PLXNA4: variants seen among roughly 807,000 people sequenced by gnomAD.
PLXNA4 encodes plexin A4.
Under a neutral mutation model 191.8 loss-of-function variants are expected in PLXNA4, and 44 were observed. The ratio of observed to expected loss-of-function variants is 0.23; its 90% CI spans 0.18 to 0.29. PLXNA4 has a LOEUF of 0.29. Among genes scored for constraint, PLXNA4 ranks in the 10% least tolerant of loss-of-function variants. The probability of loss-of-function intolerance (pLI) is 1.00; values close to 1 mark genes in which losing one functional copy is unlikely to be tolerated. For synonymous variants in PLXNA4, 1,082 were observed against 1,009.5 expected, an observed-to-expected ratio of 1.07 and a Z score of -1.36; for missense variants, 1,800 against 2,488.8, an observed-to-expected ratio of 0.72 and a Z score of 5.89.
chr7:132,508,924 C>T lies in PLXNA4; in HGVS notation c.-86-145G>A, dbSNP rs1798598942. On this transcript the variant is annotated intron_variant, in intron 1 of 31. Transcript: ENST00000321063. This position sits in a 1 kb window ranked among gnomAD's most constrained non-coding sequence, Gnocchi z 4.4. ...GTGCTGGAGGCTGACTGAGTCAACC[C>T]CCACCACGGGCATGTGACACAGTCA... 1.3e-6 allele frequency: 1 copy of T among 786,048 alleles called. No individual in the cohort carries two copies. The highest frequency in any genetic ancestry group is 1.8e-6 in the Non-Finnish European group (1 of 543,036). 48.7% of individuals were successfully genotyped at this position (786,048 alleles called of 1,614,324 possible). A position where few individuals can be genotyped will look rare whatever the true frequency, so the allele number is the denominator to read the frequency against.
At chr7:132,489,533 T>G (rs1797697904) in intron 2 of PLXNA4, 59 bp from the exon 3 acceptor site, 1 of 1,385,698 alleles carries the variant, frequency 7.2e-7, no homozygotes, top group African/African-American at 1.4e-5. Context: ...GGCAGAGATA[T>G]TAAGTCAGGA....
chr7:132,318,041 C>A (rs148539480), intron 3 of PLXNA4, among the ~76,000 whole-genome samples: 1 of 152,204 alleles, frequency 6.6e-6, no homozygotes, highest in Non-Finnish European at 1.5e-5. Flanking sequence ...CCGAGTAACC[C>A]GGTCAAAGAA....
chr7:132,150,575 T>A (rs528056125), intron 25 of PLXNA4, among the ~76,000 whole-genome samples: 1 of 152,260 alleles, frequency 6.6e-6, no homozygotes, highest in South Asian at 2.1e-4. Flanking sequence ...GGGAGAGGGA[T>A]GCAATGAACT....
At chr7:132,559,026 A>C (rs1443324212) in intron 1 of PLXNA4, among the ~76,000 whole-genome samples, 1 of 152,126 alleles carries the variant, frequency 6.6e-6, no homozygotes, top group Non-Finnish European at 1.5e-5. Context: ...CAACTGCTCT[A>C]TTCCAGTCCT....
At chr7:132,543,608 T>G (rs1174958951) in intron 1 of PLXNA4, among the ~76,000 whole-genome samples, 1 of 152,248 alleles carries the variant, frequency 6.6e-6, no homozygotes, top group Non-Finnish European at 1.5e-5. Flanking sequence ...GGTATTTGAT[T>G]TGACTGGAAC....
At chr7:132,317,915 C>T (rs1475069077) in intron 3 of PLXNA4, among the ~76,000 whole-genome samples, 1 of 152,194 alleles carries the variant, frequency 6.6e-6, no homozygotes, top group African/African-American at 2.4e-5. Context: ...GAACAAGAGC[C>T]AGGCAGAGCA....
chr7:132,355,179 CTT>C (rs929323655), intron 3 of PLXNA4, among the ~76,000 whole-genome samples: 6 of 152,256 alleles, frequency 3.9e-5, no homozygotes, highest in African/African-American at 1.4e-4. Context: ...TGCTTAGACA[CTT>C]TTCAGGATGT....
At chr7:132,506,521 A>G (rs901091874) in intron 2 of PLXNA4, among the ~76,000 whole-genome samples, 1 of 152,246 alleles carries the variant, frequency 6.6e-6, no homozygotes, top group African/African-American at 2.4e-5. Context: ...AAGGAAAAGG[A>G]CAAGAACACT....
intron 2 of PLXNA4, among the ~76,000 whole-genome samples, chr7:132,604,808 G>A (rs566562309): frequency 9.2e-5 from 14 of 152,210 alleles, no homozygotes; most frequent in African/African-American, 3.4e-4. Context: ...ATTCCCATGT[G>A]CAGATGGTGA....
chr7:132,417,125 T>G (rs1393049955), intron 3 of PLXNA4, among the ~76,000 whole-genome samples: 1 of 152,102 alleles, frequency 6.6e-6, no homozygotes, highest in Non-Finnish European at 1.5e-5. Flanking sequence ...GGACTCCCGC[T>G]TCCCCCTGGC....
At chr7:132,391,251 C>A (rs75900279) in intron 3 of PLXNA4, among the ~76,000 whole-genome samples, 3,075 of 152,278 alleles carry the variant, frequency 0.02, 56 homozygotes, top group African/African-American at 0.048. Context: ...AAATGCAATG[C>A]CCAGCATCAG....
At chr7:132,631,159 CTGTT>C (rs1277327977) in intron 2 of PLXNA4, among the ~76,000 whole-genome samples, 1 of 152,138 alleles carries the variant, frequency 6.6e-6, no homozygotes, top group Admixed American at 6.6e-5. Context: ...CATAATGGAT[CTGTT>C]TGTTTTAATA....
At chr7:132,448,564 C>T (rs907972794) in intron 3 of PLXNA4, among the ~76,000 whole-genome samples, 5 of 152,224 alleles carry the variant, frequency 3.3e-5, no homozygotes, top group African/African-American at 1.2e-4. Flanking sequence ...AGGGAAACCA[C>T]ATTCTTTAGT....
chr7:132,220,047 C>T (rs1401637791), intron 9 of PLXNA4, among the ~76,000 whole-genome samples: 1 of 152,116 alleles, frequency 6.6e-6, no homozygotes, highest in Admixed American at 6.6e-5. Flanking sequence ...AATAAGCAGC[C>T]CATGACTGTA....
At chr7:132,355,195 T>G (rs1297247141) in intron 3 of PLXNA4, among the ~76,000 whole-genome samples, 1 of 152,274 alleles carries the variant, frequency 6.6e-6, no homozygotes, top group East Asian at 1.9e-4. Flanking sequence ...AGGATGTCAG[T>G]GGTGAGTTAC....
intron 3 of PLXNA4, among the ~76,000 whole-genome samples, chr7:132,334,803 C>T (rs2116714496): frequency 6.6e-6 from 1 of 152,326 alleles, no homozygotes; most frequent in Non-Finnish European, 1.5e-5. Context: ...TCAGGCACCA[C>T]ACCACCTAGT....
chr7:132,609,527 G>A (rs982615255), intron 2 of PLXNA4, among the ~76,000 whole-genome samples: 3 of 152,176 alleles, frequency 2.0e-5, no homozygotes, highest in African/African-American at 4.8e-5. Context: ...TCATATGTAG[G>A]TGATGACTGA....
At chr7:132,553,709 C>T (rs1800666745) in intron 1 of PLXNA4, among the ~76,000 whole-genome samples, 1 of 152,200 alleles carries the variant, frequency 6.6e-6, no homozygotes, top group South Asian at 2.1e-4. Context: ...TCCTCCATCA[C>T]CTCTGTTTTT....
At chr7:132,578,845 T>C (rs1326855057), upstream of PLXNA4, among the ~76,000 whole-genome samples, 1 of 152,174 alleles carries the variant, frequency 6.6e-6, no homozygotes, top group Non-Finnish European at 1.5e-5. Flanking sequence ...CATGAATACA[T>C]TGATCTGACT....
Sources: gnomAD v4.1 joint callset for allele counts (sites outside exome capture counted in the v4.1 genomes callset) on GRCh38, gnomAD v4.1.1 for gene constraint, Gnocchi (gnomAD v3.1) non-coding constraint, MANE v1.5 for transcripts, NCBI Gene and HGNC (gene_info 2026-07-23, HGNC 2026-07-21) for gene names.